MCTP1: variants seen among roughly 807,000 people sequenced by gnomAD.
MCTP1 encodes the protein multiple C2 and transmembrane domain containing 1.
In MCTP1, 69 loss-of-function variants were observed where a neutral mutation model predicts 120.6. That is an observed-to-expected ratio of 0.57 (90% CI 0.47 to 0.70). The LOEUF (loss-of-function observed/expected upper bound fraction) is 0.70, where lower values mean the gene tolerates loss of function less well. MCTP1 is among the 30% of genes least tolerant of loss of function. The pLI is 0.00. For missense variants in MCTP1, 1,203 were observed against 1,248.8 expected (o/e 0.96, Z 0.55); for synonymous variants, 529 against 493.1 (o/e 1.07, Z -0.96).
At chr5:95,210,617 A>G (rs1000788596) in intron 1 of MCTP1, among the ~76,000 whole-genome samples, 1 of 149,302 alleles carries the variant, frequency 6.7e-6, no homozygotes, top group Non-Finnish European at 1.5e-5. Context: ...ATGGGTCTTG[A>G]CTCTTTATCC....
chr5:94,968,807 C>T (rs1381487152), intron 2 of MCTP1, among the ~76,000 whole-genome samples: 1 of 152,178 alleles, frequency 6.6e-6, no homozygotes, highest in Non-Finnish European at 1.5e-5. Flanking sequence ...GCAGCATATG[C>T]TTTGTTGTTA....
At chr5:94,816,671 G>A (rs1323915804) in intron 17 of MCTP1, among the ~76,000 whole-genome samples, 1 of 151,892 alleles carries the variant, frequency 6.6e-6, no homozygotes, top group African/African-American at 2.4e-5. Context: ...TAGAAAAATT[G>A]AGTTTAGGGT....
At chr5:94,856,238 T>C (rs1353516753) in intron 17 of MCTP1, among the ~76,000 whole-genome samples, 2 of 151,784 alleles carry the variant, frequency 1.3e-5, no homozygotes, top group Admixed American at 6.6e-5. Flanking sequence ...TCTTCAATCA[T>C]GTTAAAGGGA....
At chr5:94,753,874 G>A (rs190114021) in intron 19 of MCTP1, among the ~76,000 whole-genome samples, 11 of 152,328 alleles carry the variant, frequency 7.2e-5, no homozygotes, top group South Asian at 2.1e-4. Flanking sequence ...GAAGGAAAGC[G>A]TAATTGGTGC....
intron 18 of MCTP1, chr5:94,784,963 T>C (rs965209815): frequency 6.6e-6 from 1 of 152,130 alleles, no homozygotes; most frequent in African/African-American, 2.4e-5. Flanking sequence ...GTGGCTTTAA[T>C]GTGGCTATCA....
intron 1 of MCTP1, among the ~76,000 whole-genome samples, chr5:95,214,795 C>G (rs1019899816): frequency 2.1e-5 from 3 of 140,922 alleles, no homozygotes; most frequent in African/African-American, 8.1e-5. Flanking sequence ...TGTTCTCACT[C>G]GTAGGTGGGA....
chr5:94,773,673 T>G (rs1774613705), intron 19 of MCTP1, among the ~76,000 whole-genome samples: 1 of 152,040 alleles, frequency 6.6e-6, no homozygotes, highest in South Asian at 2.1e-4. Context: ...ACAATCATGG[T>G]GGAAGGCAAG....
At chr5:94,842,841 T>C (rs944675360) in intron 17 of MCTP1, among the ~76,000 whole-genome samples, 1 of 152,206 alleles carries the variant, frequency 6.6e-6, no homozygotes, top group East Asian at 1.9e-4. Flanking sequence ...TTTGTGAAAA[T>C]TTAGAGAAGC....
chr5:94,839,222 T>C (rs532150810), intron 17 of MCTP1, among the ~76,000 whole-genome samples: 1 of 152,282 alleles, frequency 6.6e-6, no homozygotes, highest in African/African-American at 2.4e-5. Context: ...TCAGTTTTTT[T>C]CCAATACTGG....
rs80222577 is a variant in MCTP1 at position 95,134,871 on chromosome 5, T to C, written c.721-117387A>G. On this transcript the variant is annotated intron_variant, in intron 1 of 22. Coordinates refer to ENST00000515393, the MANE Select transcript of MCTP1 (RefSeq NM_024717.7). ...TAATCTTTCTTCTCAGTTTTCAAAA[T>C]ACAATTGAAGTTACTGTTTTTGACC... is the stretch of plus-strand genomic sequence containing the variant. 1.3e-3 allele frequency among the ~76,000 whole-genome samples: 197 copies of C among 151,970 alleles called. 2 individuals are homozygous for C. The East Asian group carries it at 0.037, about 28-fold the overall frequency.
intron 1 of MCTP1, among the ~76,000 whole-genome samples, chr5:95,168,383 T>C (rs1746729948): frequency 6.6e-6 from 1 of 152,222 alleles, no homozygotes; most frequent in African/African-American, 2.4e-5. Flanking sequence ...ATGTGGGCTC[T>C]TTTTTGGTTC....
intron 19 of MCTP1, among the ~76,000 whole-genome samples, chr5:94,721,752 ATTG>A (rs1199173337): frequency 2.6e-5 from 4 of 151,314 alleles, no homozygotes; most frequent in Non-Finnish European, 5.9e-5. Flanking sequence ...ACATTCCTTT[ATTG>A]TTGTTTTTGC....
intron 1 of MCTP1, among the ~76,000 whole-genome samples, chr5:95,212,390 G>C (rs1338619973): frequency 5.9e-5 from 9 of 151,818 alleles, no homozygotes; most frequent in African/African-American, 2.2e-4. Context: ...CAACCAAAAA[G>C]AGTCCAGGAC....
At chr5:94,860,508 T>C (rs1310910525) in intron 17 of MCTP1, among the ~76,000 whole-genome samples, 2 of 151,770 alleles carry the variant, frequency 1.3e-5, no homozygotes, top group Admixed American at 1.3e-4. Flanking sequence ...ACCTGTCCTT[T>C]AATTGGACTA....
intron 1 of MCTP1, among the ~76,000 whole-genome samples, chr5:95,180,793 CT>C (rs1748515932): frequency 6.6e-6 from 1 of 152,160 alleles, no homozygotes; most frequent in African/African-American, 2.4e-5. Context: ...TAAAGGAAAA[CT>C]TTTAATTTTC....
intron 1 of MCTP1, among the ~76,000 whole-genome samples, chr5:95,239,125 G>T (rs1166033277): frequency 6.6e-6 from 1 of 152,068 alleles, no homozygotes; most frequent in East Asian, 1.9e-4. Context: ...TCTCGTAGAA[G>T]AAACATTAAA....
intron 12 of MCTP1, among the ~76,000 whole-genome samples, chr5:94,883,363 C>T (rs1800540728): frequency 6.6e-6 from 1 of 152,104 alleles, no homozygotes; most frequent in Non-Finnish European, 1.5e-5. Context: ...GCAAATGGAA[C>T]ATTAGCTTAT....
chr5:94,828,029 A>G (rs1787615885), intron 17 of MCTP1, among the ~76,000 whole-genome samples: 1 of 151,860 alleles, frequency 6.6e-6, no homozygotes. Context: ...CCTTTGGAGG[A>G]GAAGAGGCAT....
intron 17 of MCTP1, among the ~76,000 whole-genome samples, chr5:94,853,026 G>A (rs981945607): frequency 6.6e-6 from 1 of 151,980 alleles, no homozygotes; most frequent in African/African-American, 2.4e-5. Context: ...TCAGAAAGCT[G>A]CAGTAATGTA....
Sources: gnomAD v4.1 joint callset for allele counts (sites outside exome capture counted in the v4.1 genomes callset) on GRCh38, gnomAD v4.1.1 for gene constraint, MANE v1.5 for transcripts, NCBI Gene and HGNC (gene_info 2026-07-23, HGNC 2026-07-21) for gene names.